The following CYP2E1 variants were observed in gnomAD, a reference collection of about 807,000 sequenced individuals.
CYP2E1 encodes the protein cytochrome P450 family 2 subfamily E member 1, also known as cytochrome P450 2E1.
CYP2E1 carries 31 observed loss-of-function variants against 42.9 expected under a neutral mutation model. That is an observed-to-expected ratio of 0.72 (90% CI 0.54 to 0.98). CYP2E1 has a LOEUF of 0.98. CYP2E1 is among the 50% of genes least tolerant of loss of function. CYP2E1 has a pLI of 0.00. For missense variants in CYP2E1, 565 were observed against 633.2 expected (o/e 0.89, Z 1.16); for synonymous variants, 244 against 248.9 (o/e 0.98, Z 0.19).
chr10:133,531,898 A>G (rs1206156911), intron 3 of CYP2E1, 164 bp downstream of exon 3: 1 of 821,930 alleles, frequency 1.2e-6, no homozygotes, highest in African/African-American at 1.7e-5. Context: ...GGTTCCAGCT[A>G]CACAGTTCAG....
intron 5 of CYP2E1, 140 bp from the exon 6 acceptor site, chr10:133,533,616 C>G: frequency 1.0e-6 from 1 of 981,812 alleles, no homozygotes; most frequent in Non-Finnish European, 1.5e-6. Flanking sequence ...CTCTGTCTGT[C>G]ACAGCTCCAA....
chr10:133,537,705 A>T (rs774150485), intron 7 of CYP2E1, 46 bp from the exon 8 acceptor site: 1 of 1,567,996 alleles, frequency 6.4e-7, no homozygotes, highest in Non-Finnish European at 8.7e-7. Context: ...ATGAAAGCCC[A>T]CATTTTGTTA....
chr10:133,528,138 G>A (rs541696585), intron 1 of CYP2E1: 130 of 257,952 alleles, frequency 5.0e-4, no homozygotes, highest in Admixed American at 2.6e-3. Context: ...CGCCAGAACC[G>A]GGTCCAGAAC....
Position 133,531,635 on chromosome 10 carries a change from C to G in CYP2E1, c.388C>G (p.Leu130Val), listed in dbSNP as rs905415600. 1 of 1,613,952 alleles carries G rather than the reference C, an allele frequency of 6.2e-7. No homozygotes were observed. The highest frequency in any genetic ancestry group is 2.2e-5 in the East Asian group (1 of 44,886). ...CTGGAAGGACATCCGGCGGTTTTCC[C>G]TGACCACCCTCCGGAACTATGGGAT... ...PTWKDIRRFSLTTLRNYGMGK... is the reference protein window; with the variant it reads ...PTWKDIRRFSVTTLRNYGMGK... Residue 130 changes from leucine to valine, a missense_variant, in exon 3 of 9, where the codon CTG (leucine) becomes GTG (valine). By Grantham distance (32) the Leu-to-Val change is conservative. Transcript: ENST00000252945.
In CYP2E1 at chr10:133,532,152, C is replaced by A. The variant is rs139133362; in HGVS notation, c.516C>A (p.Ile172=). 3 of 1,613,768 alleles carry A rather than the reference C, an allele frequency of 1.9e-6. No homozygotes were observed. The highest frequency in any genetic ancestry group is 2.5e-6 in the Non-Finnish European group (3 of 1,179,950). ...AGCCTTTCGACCCCACCTTCCTCAT[C>A]GGCTGCGCGCCCTGCAACGTCATAG... The part of the protein sequence containing the change: ...QGQPFDPTFL[I]GCAPCNVIAD... The change falls in exon 4 of 9, where the codon ATC becomes ATA. Residue 172 remains isoleucine (I), a synonymous_variant. Coordinates refer to ENST00000252945, the MANE Select transcript of CYP2E1 (RefSeq NM_000773.4).
chr10:133,537,642 C>G (rs1247396470), intron 7 of CYP2E1, 109 bp from the exon 8 acceptor site: 2 of 942,736 alleles, frequency 2.1e-6, no homozygotes, highest in African/African-American at 3.2e-5. Context: ...TGGAAATATA[C>G]TATCCTATAT....
chr10:133,532,330 C>T (rs371462264), intron 4 of CYP2E1, 46 bp downstream of exon 4: 21 of 1,567,240 alleles, frequency 1.3e-5, no homozygotes, highest in East Asian at 4.5e-5. Context: ...GTAGAGTTTA[C>T]GTTAGAAAAA....
At chr10:133,531,982 T>C in intron 3 of CYP2E1, 142 bp from the exon 4 acceptor site, 1 of 855,940 alleles carries the variant, frequency 1.2e-6, no homozygotes, top group African/African-American at 1.7e-5. Flanking sequence ...CTCAAACAGG[T>C]TCAGACATTC....
chr10:133,537,047 A>T lies in CYP2E1; in HGVS notation c.968-16A>T. On this transcript the variant is annotated splice_polypyrimidine_tract_variant and intron_variant, in intron 6 of 8. Coordinates refer to ENST00000252945, the MANE Select transcript of CYP2E1 (RefSeq NM_000773.4). ...GGAACCAATCCCTGAAATTTGTCCC[A>T]TTCATATCTTGGCAGAGAAGCTCCA... 1 of 1,610,262 alleles carries T rather than the reference A, an allele frequency of 6.2e-7. No homozygotes were observed. The highest frequency in any genetic ancestry group is 8.5e-7 in the Non-Finnish European group (1 of 1,177,644).
chr10:133,532,424 CA>C (rs1851349958), intron 4 of CYP2E1, 140 bp downstream of exon 4: 1 of 868,012 alleles, frequency 1.2e-6, no homozygotes, highest in Non-Finnish European at 1.8e-6. Context: ...TTAGACAGCC[CA>C]AATATTCCTC....
chr10:133,534,263 G>C (rs1016644039), intron 6 of CYP2E1, among the ~76,000 whole-genome samples: 3 of 152,198 alleles, frequency 2.0e-5, no homozygotes, highest in African/African-American at 7.2e-5. Flanking sequence ...GGCAGAGCAG[G>C]TGGGGAGGTT....
intron 6 of CYP2E1, among the ~76,000 whole-genome samples, chr10:133,535,704 T>A (rs1564849332): frequency 6.6e-6 from 1 of 152,194 alleles, no homozygotes; most frequent in Non-Finnish European, 1.5e-5. Context: ...GAACGTTTAT[T>A]AACATTTTGC....
chr10:133,528,403 C>T, intron 1 of CYP2E1, 78 bp from the exon 2 acceptor site: 2 of 1,544,598 alleles, frequency 1.3e-6, no homozygotes, highest in Non-Finnish European at 1.8e-6. Flanking sequence ...GCAATACCCG[C>T]CCGGCAGGGG....
rs558538089 is a variant in CYP2E1 at position 133,531,519 on chromosome 10, C to T, written c.338-66C>T. The T allele has an allele frequency of 1.1e-4, 178 of 1,580,158 alleles. 1 individual carries two copies. The South Asian group carries it at 1.8e-3, about 16-fold the overall frequency. On this transcript the variant is annotated intron_variant, in intron 2 of 8. Coordinates refer to ENST00000252945, the MANE Select transcript of CYP2E1 (RefSeq NM_000773.4). The stretch of plus-strand genomic sequence containing the variant: ...AAATCCTGCCCTGCTCTCCAAGGCC[C>T]TCTGTAGCCCATTTCTCCCCAAAAT...
At position 133,532,301 on chromosome 10, in the gene CYP2E1, C is replaced by CT. The variant is rs774671018; in HGVS notation, c.648+20dup. 6.2e-7 allele frequency: 1 copy of CT among 1,607,626 alleles called. No individual in the cohort carries two copies. Among genetic ancestry groups the CT allele is most frequent in the African/African-American group, 1.3e-5 (1 of 74,898 alleles). On this transcript the variant is annotated intron_variant, in intron 4 of 8. Coordinates refer to ENST00000252945, the MANE Select transcript of CYP2E1 (RefSeq NM_000773.4). ...TGGCTCCAGGTGAAGCCACTTTCCTCTTTCATCAGTCATCAACTGTAGAGT... is the reference window on the plus strand; with the variant it reads ...TGGCTCCAGGTGAAGCCACTTTCCTCTTTTCATCAGTCATCAACTGTAGAGT...
chr10:133,528,391 C>G, intron 1 of CYP2E1, 90 bp from the exon 2 acceptor site: 1 of 1,489,770 alleles, frequency 6.7e-7, no homozygotes, highest in Non-Finnish European at 9.2e-7. Flanking sequence ...TCTAGAGCAA[C>G]AGCAATACCC....
In CYP2E1 at chr10:133,531,669, A is replaced by C. The variant is rs758334170; in HGVS notation, c.422A>C (p.Gln141Pro). 5 of 1,613,444 alleles carry C rather than the reference A, an allele frequency of 3.1e-6. No individual in the cohort carries two copies. The Admixed American group carries it at 8.3e-5, about 27-fold the overall frequency. The change falls in exon 3 of 9, where the codon CAG (glutamine) becomes CCG (proline). Residue 141 changes from glutamine to proline, a missense_variant. Coordinates refer to ENST00000252945, the MANE Select transcript of CYP2E1 (RefSeq NM_000773.4). The part of the protein sequence containing the change: ...TTLRNYGMGK[Q>P]GNESRIQREA... ...CTCCGGAACTATGGGATGGGGAAAC[A>C]GGGCAATGAGAGCCGGATCCAGAGG...
At position 133,528,473 on chromosome 10, in the gene CYP2E1, C is replaced by A; in HGVS notation, c.178-8C>A. ...GCGGGCCTGACTTCTAGCCACGGGT[C>A]TCCGCAGTTGGCCCAGCGCTTCGGG... On this transcript the variant is annotated splice_polypyrimidine_tract_variant and splice_region_variant and intron_variant, in intron 1 of 8. Coordinates refer to ENST00000252945, the MANE Select transcript of CYP2E1 (RefSeq NM_000773.4). The A allele has an allele frequency of 6.2e-7, 1 of 1,612,320 alleles. No individual in the cohort carries two copies. The highest frequency in any genetic ancestry group is 1.1e-5 in the South Asian group (1 of 91,024).
In CYP2E1 at chr10:133,527,405, C is replaced by T. The variant is rs753713804; in HGVS notation, c.10C>T (p.Leu4Phe). ...GGGCCCCAGCGGCACCATGTCTGCC[C>T]TCGGAGTCACCGTGGCCCTGCTGGT... The part of the protein sequence containing the change: MSA[L>F]GVTVALLVWA... Residue 4 changes from leucine (L) to phenylalanine (F), a missense_variant, in exon 1 of 9, where the codon CTC becomes TTC. Physicochemically the swap from Leu to Phe is conservative, Grantham distance 22. Coordinates refer to ENST00000252945, the MANE Select transcript of CYP2E1 (RefSeq NM_000773.4). 6.2e-7 allele frequency: 1 copy of T among 1,609,640 alleles called. No individual in the cohort carries two copies. Among genetic ancestry groups the T allele is most frequent in the Non-Finnish European group, 8.5e-7 (1 of 1,177,800 alleles).
Sources: allele counts gnomAD v4.1 joint callset (sites outside exome capture counted in the v4.1 genomes callset), GRCh38; gene constraint gnomAD v4.1.1; transcripts MANE v1.5; gene names NCBI Gene and HGNC (gene_info 2026-07-23, HGNC 2026-07-21).